Variants in CAMKMT observed in about 807,000 individuals in gnomAD.
The protein encoded by CAMKMT is calmodulin-lysine N-methyltransferase.
Under a neutral mutation model 48.0 loss-of-function variants are expected in CAMKMT, and 53 were observed. The observed-to-expected ratio is 1.10, with a 90% CI of 0.89 to 1.39. CAMKMT has a LOEUF of 1.39. Ranked by LOEUF, CAMKMT falls within the 40% of genes most tolerant of loss-of-function variation. The pLI is 0.00. For missense variants in CAMKMT, 428 were observed against 402.7 expected (o/e 1.06, Z -0.54); for synonymous variants, 165 against 152.3 (o/e 1.08, Z -0.61).
intron 3 of CAMKMT, among the ~76,000 whole-genome samples, chr2:44,689,578 T>G (rs1210957396): frequency 6.6e-6 from 1 of 152,152 alleles, no homozygotes; most frequent in Non-Finnish European, 1.5e-5. Flanking sequence ...AAAGTGTTCC[T>G]TTTTCTTCTT....
intron 3 of CAMKMT, among the ~76,000 whole-genome samples, chr2:44,527,793 C>CCT (rs1260465968): frequency 7.3e-6 from 1 of 136,262 alleles, no homozygotes; most frequent in Non-Finnish European, 1.6e-5. Flanking sequence ...CAGCCCCCCC[C>CCT]CCCATTATCA....
chr2:44,765,609 T>A (rs1300366565), intron 9 of CAMKMT, among the ~76,000 whole-genome samples: 1 of 151,842 alleles, frequency 6.6e-6, no homozygotes, highest in Non-Finnish European at 1.5e-5. Flanking sequence ...ATGCATCCAA[T>A]AGTTAGCAAA....
intron 3 of CAMKMT, among the ~76,000 whole-genome samples, chr2:44,511,496 C>T (rs767936198): frequency 5.3e-4 from 81 of 152,052 alleles, no homozygotes; most frequent in Non-Finnish European, 9.4e-4. Flanking sequence ...ACCATGTTAG[C>T]CAGGCTGGTC....
At chr2:44,363,271 C>G (rs1247269195) in intron 1 of CAMKMT, among the ~76,000 whole-genome samples, 1 of 152,148 alleles carries the variant, frequency 6.6e-6, no homozygotes, top group African/African-American at 2.4e-5. Flanking sequence ...CCTCACAGAT[C>G]ATCATAGGAA....
intron 3 of CAMKMT, among the ~76,000 whole-genome samples, chr2:44,474,635 T>C (rs1668593384): frequency 6.6e-6 from 1 of 152,174 alleles, no homozygotes; most frequent in South Asian, 2.1e-4. Flanking sequence ...ACTAGACCTA[T>C]AATCTCTAAG....
chr2:44,542,197 C>A (rs1479189786), intron 3 of CAMKMT, among the ~76,000 whole-genome samples: 1 of 152,050 alleles, frequency 6.6e-6, no homozygotes, highest in Non-Finnish European at 1.5e-5. Flanking sequence ...AAGTCTTCCC[C>A]TGTGAACATA....
chr2:44,768,361 A>AT (rs1553448674), intron 10 of CAMKMT, among the ~76,000 whole-genome samples: 11,545 of 115,588 alleles, frequency 0.1, 799 homozygotes, highest in East Asian at 0.27. Flanking sequence ...ATATATATAT[A>AT]TTTTTTTTTT....
At chr2:44,580,992 A>T (rs1163677118) in intron 3 of CAMKMT, among the ~76,000 whole-genome samples, 1 of 152,034 alleles carries the variant, frequency 6.6e-6, no homozygotes, top group Non-Finnish European at 1.5e-5. Flanking sequence ...TGGTGGGATT[A>T]TTACTCATTT....
chr2:44,510,690 A>T (rs1011137992), intron 3 of CAMKMT, among the ~76,000 whole-genome samples: 2 of 152,050 alleles, frequency 1.3e-5, no homozygotes, highest in Admixed American at 6.6e-5. Flanking sequence ...CGGGGTACAG[A>T]TGGTTTTTGG....
intron 3 of CAMKMT, among the ~76,000 whole-genome samples, chr2:44,534,859 G>A (rs757529953): frequency 6.6e-6 from 1 of 151,748 alleles, no homozygotes; most frequent in African/African-American, 2.4e-5. Flanking sequence ...TTACTAAAAG[G>A]AAAGAAACAA....
At chr2:44,645,667 A>C (rs1233976715) in intron 3 of CAMKMT, among the ~76,000 whole-genome samples, 1 of 152,096 alleles carries the variant, frequency 6.6e-6, no homozygotes, top group African/African-American at 2.4e-5. Context: ...CTAAAAATAC[A>C]AAAATTAGCC....
Position 44,772,290 on chromosome 2 carries a change from C to T in CAMKMT, c.*177C>T. ...TATTCCCCAGCTGCCCTCTCCAGCTCCCTCCCCGCCTCTTTTTACACTCTG... is the reference window on the plus strand; with the variant it reads ...TATTCCCCAGCTGCCCTCTCCAGCTTCCTCCCCGCCTCTTTTTACACTCTG... On this transcript the variant is annotated 3_prime_UTR_variant, in exon 11 of 11. Coordinates refer to ENST00000378494, the MANE Select transcript of CAMKMT (RefSeq NM_024766.5). 1 of 553,248 alleles carries T rather than the reference C, an allele frequency of 1.8e-6. No homozygotes were observed. The highest frequency in any genetic ancestry group is 3.2e-6 in the Non-Finnish European group (1 of 312,962). The allele number at this position is 553,248 out of a possible 1,614,324, so 34.3% of individuals were successfully genotyped here.
intron 3 of CAMKMT, among the ~76,000 whole-genome samples, chr2:44,698,897 C>T (rs1291348912): frequency 2.0e-5 from 3 of 152,330 alleles, no homozygotes; most frequent in South Asian, 4.1e-4. Flanking sequence ...TATTCTAAAT[C>T]CTTTGTTGTA....
chr2:44,424,998 C>CA (rs1684187637), intron 3 of CAMKMT, among the ~76,000 whole-genome samples: 1 of 151,942 alleles, frequency 6.6e-6, no homozygotes, highest in African/African-American at 2.4e-5. Flanking sequence ...GAACATGAAA[C>CA]AAAAAAGTAC....
chr2:44,741,990 T>G (rs1439849377), intron 7 of CAMKMT, among the ~76,000 whole-genome samples: 1 of 152,136 alleles, frequency 6.6e-6, no homozygotes, highest in African/African-American at 2.4e-5. Context: ...TTTTTCAAAA[T>G]TCATATGATG....
At chr2:44,459,354 C>G (rs1399106441) in intron 3 of CAMKMT, among the ~76,000 whole-genome samples, 1 of 151,744 alleles carries the variant, frequency 6.6e-6, no homozygotes, top group Non-Finnish European at 1.5e-5. Flanking sequence ...ACATTAAATC[C>G]CTTCTTATTA....
intron 3 of CAMKMT, among the ~76,000 whole-genome samples, chr2:44,538,534 A>G (rs1008367939): frequency 6.6e-6 from 1 of 152,154 alleles, no homozygotes; most frequent in Non-Finnish European, 1.5e-5. Context: ...GGAAAACCAA[A>G]TATGGTTTAT....
chr2:44,663,986 G>C (rs771764626), intron 3 of CAMKMT, among the ~76,000 whole-genome samples: 1 of 152,096 alleles, frequency 6.6e-6, no homozygotes, highest in African/African-American at 2.4e-5. Flanking sequence ...GATGGGGGAG[G>C]TACAGTTTAA....
chr2:44,678,980 A>G (rs1381333509), intron 3 of CAMKMT, among the ~76,000 whole-genome samples: 1 of 152,192 alleles, frequency 6.6e-6, no homozygotes, highest in Non-Finnish European at 1.5e-5. Context: ...CAGGAACCCA[A>G]TAGCAGACTG....
Sources: allele counts gnomAD v4.1 joint callset (sites outside exome capture counted in the v4.1 genomes callset), GRCh38; gene constraint gnomAD v4.1.1; transcripts MANE v1.5; gene names NCBI Gene and HGNC (gene_info 2026-07-23, HGNC 2026-07-21).